The following ESR1 variants were observed in gnomAD, a reference collection of about 807,000 sequenced individuals.
The protein encoded by ESR1 is estrogen receptor 1.
In ESR1, 12 loss-of-function variants were observed where a neutral mutation model predicts 52.7. The ratio of observed to expected loss-of-function variants is 0.23; its 90% confidence interval spans 0.15 to 0.37. The LOEUF is 0.37. Among genes scored for constraint, ESR1 ranks in the 10% least tolerant of loss-of-function variants. ESR1 has a pLI of 1.00. For synonymous variants in ESR1, 305 were observed against 316.8 expected, an observed-to-expected ratio of 0.96 and a Z score of 0.39; for missense variants, 584 against 779.7, an observed-to-expected ratio of 0.75 and a Z score of 2.99.
Position 151,892,269 on chromosome 6 carries a change from T to A in ESR1, c.760+11498T>A, listed in dbSNP as rs1420940597. Among the ~76,000 whole-genome samples, 10 of 152,290 alleles carry A rather than the reference T, an allele frequency of 6.6e-5. No homozygotes were observed. The East Asian group carries it at 1.7e-3, about 26-fold the overall frequency. On this transcript the variant is annotated intron_variant, in intron 3 of 7. Coordinates refer to ENST00000206249, the MANE Select transcript of ESR1 (RefSeq NM_000125.4). ...CAGATTAACAATGGAATGGTTAGAA[T>A]CCAAAGCTAAAGGTAGTATATACAA...
chr6:151,962,848 G>GT (rs1341241884), intron 4 of ESR1, among the ~76,000 whole-genome samples: 3 of 152,052 alleles, frequency 2.0e-5, no homozygotes, highest in South Asian at 2.1e-4. Flanking sequence ...GTTCTAATGA[G>GT]TTTTTTAAAA....
intron 3 of ESR1, among the ~76,000 whole-genome samples, chr6:151,908,893 T>C (rs1254888991): frequency 2.0e-5 from 3 of 151,414 alleles, no homozygotes; most frequent in African/African-American, 7.3e-5. Flanking sequence ...TTTTTTTTCA[T>C]AGCAAGGAGT....
rs755602098 is a variant in ESR1, at chr6:152,098,687, C to T, written c.1554-45C>T. 27 of 1,516,864 alleles carry T rather than the reference C, an allele frequency of 1.8e-5. No homozygotes were observed. Among genetic ancestry groups the T allele is most frequent in the African/African-American group, 5.5e-5 (4 of 72,934 alleles). 94.0% of individuals were successfully genotyped at this position (1,516,864 alleles called of 1,614,324 possible). ...TAGGGATTTCAGCACTCCTGGGGCT[C>T]GGGTTGGCTCTAAAGTAGTCCTTTC... is the stretch of plus-strand genomic sequence containing the variant. On this transcript the variant is annotated intron_variant, in intron 7 of 7. Transcript: ENST00000206249. The surrounding 1 kb of genome is among the most constrained non-coding windows in gnomAD (Gnocchi z 5.1).
intron 2 of ESR1, among the ~76,000 whole-genome samples, chr6:151,753,312 T>C (rs1784033818): frequency 6.9e-6 from 1 of 145,366 alleles, no homozygotes; most frequent in African/African-American, 2.5e-5. Flanking sequence ...ATGGGTTATT[T>C]GATTGCATTT....
At chr6:151,857,493 C>CCACA (rs925674664) in intron 2 of ESR1, among the ~76,000 whole-genome samples, 2 of 145,830 alleles carry the variant, frequency 1.4e-5, no homozygotes, top group South Asian at 2.1e-4. Flanking sequence ...ACCCACCCAC[C>CCACA]CACACACACA....
chr6:151,837,168 T>C (rs1347237969), intron 1 of ESR1, among the ~76,000 whole-genome samples: 3 of 149,288 alleles, frequency 2.0e-5, no homozygotes, highest in Non-Finnish European at 4.4e-5. Context: ...TGGCACGATC[T>C]AGGCTCACTG....
chr6:152,027,254 C>T (rs141433282), intron 5 of ESR1, among the ~76,000 whole-genome samples: 26 of 152,214 alleles, frequency 1.7e-4, no homozygotes, highest in South Asian at 6.2e-4. Flanking sequence ...TGTAAGCCAC[C>T]GCACCCAGCC....
intron 4 of ESR1, among the ~76,000 whole-genome samples, chr6:151,985,521 A>C (rs868225557): frequency 8.2e-4 from 104 of 126,920 alleles, no homozygotes; most frequent in East Asian, 3.3e-3. Context: ...AAAAAAAAAA[A>C]AAAAAAAAAA....
chr6:151,781,785 T>C (rs1431394507), intron 2 of ESR1, among the ~76,000 whole-genome samples: 1 of 148,252 alleles, frequency 6.7e-6, no homozygotes, highest in Non-Finnish European at 1.5e-5. Context: ...GTGTTTGTTT[T>C]AAAAAAAAGT....
At chr6:151,677,854 G>A (rs1489957248) in intron 1 of ESR1, among the ~76,000 whole-genome samples, 1 of 152,164 alleles carries the variant, frequency 6.6e-6, no homozygotes, top group Non-Finnish European at 1.5e-5. Context: ...TATTGTTTCA[G>A]ATTTATTTTC....
chr6:151,891,315 G>A (rs1341680003), intron 3 of ESR1, among the ~76,000 whole-genome samples: 2 of 151,970 alleles, frequency 1.3e-5, no homozygotes, highest in Non-Finnish European at 2.9e-5. Context: ...ATTTCAGAAA[G>A]GGTTTATCTT....
At chr6:151,931,932 T>C (rs1157511516) in intron 3 of ESR1, among the ~76,000 whole-genome samples, 1 of 145,590 alleles carries the variant, frequency 6.9e-6, no homozygotes, top group Non-Finnish European at 1.5e-5. Flanking sequence ...TGTGTCTTTA[T>C]AGCAGCATGA....
intron 2 of ESR1, among the ~76,000 whole-genome samples, chr6:151,775,543 C>A (rs1352453937): frequency 6.6e-6 from 1 of 151,962 alleles, no homozygotes; most frequent in Non-Finnish European, 1.5e-5. Flanking sequence ...ATCAGAAGAT[C>A]GAGACCATCC....
intron 3 of ESR1, among the ~76,000 whole-genome samples, chr6:151,942,368 G>A (rs1257127847): frequency 6.6e-6 from 1 of 152,126 alleles, no homozygotes; most frequent in African/African-American, 2.4e-5. Context: ...ACGTAACAGA[G>A]AATGATATTG....
intron 6 of ESR1, among the ~76,000 whole-genome samples, chr6:152,091,737 T>TAAGG (rs2050198053): frequency 2.0e-5 from 3 of 152,050 alleles, no homozygotes; most frequent in Non-Finnish European, 2.9e-5. Context: ...CGGTGTGCCT[T>TAAGG]CACACCGTGC....
Position 152,099,388 on chromosome 6 carries a change from T to C in ESR1, c.*422T>C. ...CTAAGAATAAGCCACAGCAAAGAAT[T>C]TAAAGTGGCTCCTTTAATTGGTGAC... On this transcript the variant is annotated 3_prime_UTR_variant, in exon 8 of 8. Coordinates refer to ENST00000206249, the MANE Select transcript of ESR1 (RefSeq NM_000125.4). 1 of 322,434 alleles carries C rather than the reference T, an allele frequency of 3.1e-6. No homozygotes were observed. Among genetic ancestry groups the C allele is most frequent in the Non-Finnish European group, 5.8e-6 (1 of 171,280 alleles). 20.0% of individuals were successfully genotyped at this position (322,434 alleles called of 1,614,324 possible).
At chr6:152,091,644 C>T (rs1259080691) in intron 6 of ESR1, among the ~76,000 whole-genome samples, 2 of 152,096 alleles carry the variant, frequency 1.3e-5, no homozygotes, top group African/African-American at 4.8e-5. Flanking sequence ...AGTCACTCCC[C>T]AGAGGCCGAG....
intron 2 of ESR1, among the ~76,000 whole-genome samples, chr6:151,732,218 C>T (rs1014736955): frequency 3.9e-5 from 6 of 152,002 alleles, no homozygotes; most frequent in Non-Finnish European, 7.4e-5. Context: ...TATAAATAGC[C>T]AGTCAAGTTC....
At chr6:151,755,071 G>A (rs576097572) in intron 2 of ESR1, among the ~76,000 whole-genome samples, 68 of 152,176 alleles carry the variant, frequency 4.5e-4, no homozygotes, top group Non-Finnish European at 6.2e-4. Flanking sequence ...TTAGCTGGAC[G>A]TGATGGTGCA....
Sources: gnomAD v4.1 joint callset for allele counts (sites outside exome capture counted in the v4.1 genomes callset) on GRCh38, gnomAD v4.1.1 for gene constraint, Gnocchi (gnomAD v3.1) non-coding constraint, MANE v1.5 for transcripts, NCBI Gene and HGNC (gene_info 2026-07-23, HGNC 2026-07-21) for gene names.